KIRREL3: variants seen among roughly 807,000 people sequenced by gnomAD.
KIRREL3 encodes kin of IRRE-like protein 3.
KIRREL3 carries 36 observed loss-of-function variants against 89.7 expected under a neutral mutation model. The ratio of observed to expected loss-of-function variants is 0.40; its 90% CI spans 0.31 to 0.53. The LOEUF is 0.53. KIRREL3 is among the 20% of genes least tolerant of loss of function. KIRREL3 has a pLI of 0.49. For missense variants in KIRREL3, 864 were observed against 1,056.6 expected, an observed-to-expected ratio of 0.82 and a Z score of 2.53; for synonymous variants, 445 against 441.4, an observed-to-expected ratio of 1.01 and a Z score of -0.10.
At chr11:126,552,876 T>G (rs1032398351) in intron 2 of KIRREL3, among the ~76,000 whole-genome samples, 1 of 152,184 alleles carries the variant, frequency 6.6e-6, no homozygotes, top group Non-Finnish European at 1.5e-5. Flanking sequence ...AAAAGCTTTT[T>G]TTTTTAGCTG....
rs1943137536 is a variant in KIRREL3 at position 126,611,706 on chromosome 11, G to A, written c.56-48794C>T. Among the ~76,000 whole-genome samples the A allele has an allele frequency of 6.6e-6, 1 of 152,200 alleles. No homozygotes were observed. The highest frequency in any genetic ancestry group is 2.1e-4 in the South Asian group (1 of 4,832). ...GCACGTTGGGTTCACTGATCGCAGA[G>A]TCTTTTTCTGGCTGCCAAGAACATG... On this transcript the variant is annotated intron_variant, in intron 1 of 16. Transcript: ENST00000525144. The surrounding 1 kb of genome is among the most constrained non-coding windows in gnomAD (Gnocchi z 4.7).
rs185156604 is a variant in KIRREL3, at chr11:126,598,718, A to C, written c.56-35806T>G. ...TCTCTGCTACACCCAGTTGAATGCC[A>C]AACTGATACACATTGATTGCCCACT... On this transcript the variant is annotated intron_variant, in intron 1 of 16. Transcript: ENST00000525144. Among the ~76,000 whole-genome samples the C allele has an allele frequency of 2.0e-3, 302 of 152,346 alleles. 1 individual carries two copies. Among genetic ancestry groups the C allele is most frequent in the African/African-American group, 6.7e-3 (278 of 41,572 alleles).
At chr11:126,679,513 A>G (rs1477501829) in intron 1 of KIRREL3, among the ~76,000 whole-genome samples, 2 of 152,196 alleles carry the variant, frequency 1.3e-5, no homozygotes, top group Non-Finnish European at 2.9e-5. Context: ...TAAGTGTATA[A>G]GGTCACACAC....
intron 1 of KIRREL3, among the ~76,000 whole-genome samples, chr11:126,826,265 A>G (rs903857687): frequency 2.0e-5 from 3 of 152,162 alleles, no homozygotes; most frequent in Admixed American, 6.5e-5. Flanking sequence ...CCTAACACCT[A>G]ACTGTCTGTC....
Position 126,475,289 on chromosome 11 carries a change from A to G in KIRREL3, c.434-1823T>C, listed in dbSNP as rs1187815638. On this transcript the variant is annotated intron_variant, in intron 4 of 16. Coordinates refer to ENST00000525144, the MANE Select transcript of KIRREL3 (RefSeq NM_032531.4). This position sits in a 1 kb window ranked among gnomAD's most constrained non-coding sequence, Gnocchi z 7.5. ...GCTCAGCCTTCCAGCCTCAGCCTGC[A>G]TGGGAACTTCCCTCCCCTTCTCAGG... Among the ~76,000 whole-genome samples, 1 of 151,988 alleles carries G rather than the reference A, an allele frequency of 6.6e-6. No individual in the cohort carries two copies. The highest frequency in any genetic ancestry group is 2.4e-5 in the African/African-American group (1 of 41,368).
rs1470373059 is a variant in KIRREL3 at position 126,668,727 on chromosome 11, TTCTTTCTTTCTTTC to T, written c.56-105829_56-105816del. On this transcript the variant is annotated intron_variant, in intron 1 of 16. Transcript: ENST00000525144. This position sits in a 1 kb window ranked among gnomAD's most constrained non-coding sequence, Gnocchi z 4.4. ...TTTCTTTCTTTCTTTCTTTCTTTCTTTCTTTCTTTCTTTCTTTCTTTCTTTCTTTTTTCTCTTTC... is the reference window on the plus strand; with the variant it reads ...TTTCTTTCTTTCTTTCTTTCTTTCTTTTTCTTTCTTTCTTTTTTCTCTTTC... Among the ~76,000 whole-genome samples the T allele has an allele frequency of 8.8e-5, 11 of 124,458 alleles. No individual in the cohort carries two copies. The highest frequency in any genetic ancestry group is 1.4e-4 in the African/African-American group (5 of 34,752). The allele number at this position is 124,458 out of a possible 152,430, so 81.6% of individuals were successfully genotyped here.
In KIRREL3 at chr11:126,651,432, CA is replaced by C. The variant is rs1346868215; in HGVS notation, c.56-88521del. On this transcript the variant is annotated intron_variant, in intron 1 of 16. Transcript: ENST00000525144. This position sits in a 1 kb window ranked among gnomAD's most constrained non-coding sequence, Gnocchi z 4.6. The stretch of plus-strand genomic sequence containing the variant: ...TTTCCAGATATCAGTGGACAGCATC[CA>C]GGGGGGCAGAGTCAGTGTAATTTCT... Among the ~76,000 whole-genome samples the C allele has an allele frequency of 6.6e-6, 1 of 152,172 alleles. No homozygotes were observed. Among genetic ancestry groups the C allele is most frequent in the Non-Finnish European group, 1.5e-5 (1 of 68,028 alleles).
At position 126,993,481 on chromosome 11, in the gene KIRREL3, C is replaced by A. The variant is rs1214761326; in HGVS notation, c.55+6974G>T. ...CATCCTATAATATCAAGCATGATGT[C>A]ATCTCCTCTGTGCAACCTTTTCTGA... On this transcript the variant is annotated intron_variant, in intron 1 of 16. Transcript: ENST00000525144. The surrounding 1 kb of genome is among the most constrained non-coding windows in gnomAD (Gnocchi z 6.1). 6.6e-6 allele frequency among the ~76,000 whole-genome samples: 1 copy of A among 152,210 alleles called. No homozygotes were observed. Among genetic ancestry groups the A allele is most frequent in the Non-Finnish European group, 1.5e-5 (1 of 68,044 alleles).
rs990083874 is a variant in KIRREL3 at position 126,965,877 on chromosome 11, T to A, written c.55+34578A>T. On this transcript the variant is annotated intron_variant, in intron 1 of 16. Transcript: ENST00000525144. This position sits in a 1 kb window ranked among gnomAD's most constrained non-coding sequence, Gnocchi z 4.4. ...TATCAGGTCAGCAGCTTTGAGGTTG[T>A]GCCATGTAATCCACAGGTAGGTACT... Among the ~76,000 whole-genome samples, 2 of 152,160 alleles carry A rather than the reference T, an allele frequency of 1.3e-5. No individual in the cohort carries two copies. Among genetic ancestry groups the A allele is most frequent in the Non-Finnish European group, 2.9e-5 (2 of 68,028 alleles).
rs1208279214 is a variant in KIRREL3, at chr11:126,609,960, G to GGAA, written c.56-47051_56-47049dup. ...ATCCTCAGAACAACCCAATGTTGTTGGAAGGTGCAATGATCATCTTCCTTT... is the reference window on the plus strand; with the variant it reads ...ATCCTCAGAACAACCCAATGTTGTTGGAAGAAGGTGCAATGATCATCTTCCTTT... On this transcript the variant is annotated intron_variant, in intron 1 of 16. Transcript: ENST00000525144. The surrounding 1 kb of genome is among the most constrained non-coding windows in gnomAD (Gnocchi z 5.0). Among the ~76,000 whole-genome samples, 11 of 152,284 alleles carry GGAA rather than the reference G, an allele frequency of 7.2e-5. No individual in the cohort carries two copies. The highest frequency in any genetic ancestry group is 2.6e-4 in the African/African-American group (11 of 41,544).
At position 126,983,625 on chromosome 11, in the gene KIRREL3, A is replaced by C. The variant is rs1949774012; in HGVS notation, c.55+16830T>G. Among the ~76,000 whole-genome samples the C allele has an allele frequency of 6.6e-6, 1 of 152,188 alleles. No homozygotes were observed. ...GAAGGGAGGAAGGGGCCACGAGCCA[A>C]GGAGTGTAGGCACTCTGCCTCTAGA... is the stretch of plus-strand genomic sequence containing the variant. On this transcript the variant is annotated intron_variant, in intron 1 of 16. Coordinates refer to ENST00000525144, the MANE Select transcript of KIRREL3 (RefSeq NM_032531.4). This position sits in a 1 kb window ranked among gnomAD's most constrained non-coding sequence, Gnocchi z 4.9.
rs939457759 is a variant in KIRREL3 at position 126,668,222 on chromosome 11, G to A, written c.56-105310C>T. ...GTGAGGGCTGGCTTCTTCATAGGCA[G>A]TGCCTTCTCTCTGTGTCCTTACATC... On this transcript the variant is annotated intron_variant, in intron 1 of 16. Transcript: ENST00000525144. This position sits in a 1 kb window ranked among gnomAD's most constrained non-coding sequence, Gnocchi z 4.4. 6.6e-6 allele frequency among the ~76,000 whole-genome samples: 1 copy of A among 152,148 alleles called. No homozygotes were observed. Among genetic ancestry groups the A allele is most frequent in the African/African-American group, 2.4e-5 (1 of 41,432 alleles).
rs1156814838 is a variant in KIRREL3, at chr11:126,645,878, T to G, written c.56-82966A>C. ...GGGCCAGGGCTAATACTAATGCATA[T>G]GCTGTTAAACCTTTTTAATTAACTT... On this transcript the variant is annotated intron_variant, in intron 1 of 16. Transcript: ENST00000525144. This position sits in a 1 kb window ranked among gnomAD's most constrained non-coding sequence, Gnocchi z 4.9. Among the ~76,000 whole-genome samples the G allele has an allele frequency of 6.6e-6, 1 of 152,216 alleles. No individual in the cohort carries two copies. The highest frequency in any genetic ancestry group is 6.5e-5 in the Admixed American group (1 of 15,286).
intron 1 of KIRREL3, among the ~76,000 whole-genome samples, chr11:126,731,018 C>T (rs917054483): frequency 4.6e-5 from 7 of 152,154 alleles, no homozygotes; most frequent in African/African-American, 9.7e-5. Context: ...GGATTACAGG[C>T]GTGAGCCACC....
chr11:126,450,033 G>C (rs1370444138), intron 7 of KIRREL3, among the ~76,000 whole-genome samples: 1 of 152,248 alleles, frequency 6.6e-6, no homozygotes, highest in East Asian at 1.9e-4. Context: ...AGGACAGGAG[G>C]CCTCTGGCTT....
rs1441224691 is a variant in KIRREL3 at position 126,955,734 on chromosome 11, G to A, written c.55+44721C>T. Among the ~76,000 whole-genome samples the A allele has an allele frequency of 6.6e-6, 1 of 152,134 alleles. No individual in the cohort carries two copies. The highest frequency in any genetic ancestry group is 1.5e-5 in the Non-Finnish European group (1 of 68,018). ...AGGCTTGAGCTAGGTGTTTTAATGG[G>A]ATCTAAAAACGAACATGATGCTCGT... On this transcript the variant is annotated intron_variant, in intron 1 of 16. Coordinates refer to ENST00000525144, the MANE Select transcript of KIRREL3 (RefSeq NM_032531.4). The surrounding 1 kb of genome is among the most constrained non-coding windows in gnomAD (Gnocchi z 4.6).
chr11:126,922,121 G>GTCTGTCTGTCTATCTA (rs61078651), intron 1 of KIRREL3, among the ~76,000 whole-genome samples: 1,637 of 140,048 alleles, frequency 0.012, 33 homozygotes, highest in East Asian at 0.06. Flanking sequence ...CTATCTGTCT[G>GTCTGTCTGTCTATCTA]TCTATCTATC....
In KIRREL3 at chr11:126,505,518, C is replaced by A. The variant is rs1036745409; in HGVS notation, c.433+15797G>T. On this transcript the variant is annotated intron_variant, in intron 4 of 16. Transcript: ENST00000525144. ...CCCAGGAGGCAGAAGTTGCAGTGAG[C>A]TGAGATTGTGCCATTGCACTTCAGC... 3.3e-5 allele frequency among the ~76,000 whole-genome samples: 5 copies of A among 152,220 alleles called. No individual in the cohort carries two copies. The South Asian group carries it at 1.0e-3, about 32-fold the overall frequency.
At chr11:126,960,553 C>A (rs966261121) in intron 1 of KIRREL3, among the ~76,000 whole-genome samples, 1 of 152,178 alleles carries the variant, frequency 6.6e-6, no homozygotes, top group Non-Finnish European at 1.5e-5. Flanking sequence ...CGGTTCCAGG[C>A]AGCAACTAGT....
Sources: allele counts gnomAD v4.1 joint callset (sites outside exome capture counted in the v4.1 genomes callset), GRCh38; gene constraint gnomAD v4.1.1; non-coding constraint Gnocchi (gnomAD v3.1); transcripts MANE v1.5; gene names NCBI Gene and HGNC (gene_info 2026-07-23, HGNC 2026-07-21).